MANSC1: variants seen among roughly 807,000 people sequenced by gnomAD.
The protein encoded by MANSC1 is MANSC domain-containing protein 1.
A neutral mutation model predicts 14.1 loss-of-function variants in MANSC1; 13 were observed. The ratio of observed to expected loss-of-function variants is 0.92; its 90% CI spans 0.60 to 1.46. The LOEUF (loss-of-function observed/expected upper bound fraction) is 1.46. Ranked by LOEUF, MANSC1 falls within the 40% of genes most tolerant of loss-of-function variation. The pLI is 0.00. For synonymous variants in MANSC1, 227 were observed against 200.7 expected, an observed-to-expected ratio of 1.13 and a Z score of -1.11; for missense variants, 486 against 511.4, an observed-to-expected ratio of 0.95 and a Z score of 0.48.
At chr12:12,347,130 C>T (rs1013253246) in intron 1 of MANSC1, among the ~76,000 whole-genome samples, 5 of 152,112 alleles carry the variant, frequency 3.3e-5, no homozygotes, top group African/African-American at 7.2e-5. Flanking sequence ...ATTTATTGTG[C>T]ACTTTATTTC....
rs1862766520 is a variant in MANSC1, at chr12:12,330,329, T to C, written c.994A>G (p.Thr332Ala). Residue 332 changes from threonine to alanine, a missense_variant, in exon 4 of 4, where the codon ACA becomes GCA. Coordinates refer to ENST00000535902, the MANE Select transcript of MANSC1 (RefSeq NM_018050.4). Reference protein sequence around the residue: ...FTEISNLTLNTGNVYNPTALS... With the variant: ...FTEISNLTLNAGNVYNPTALS... Reference sequence around the variant, plus strand: ...GCAGTAGGGTTATACACATTCCCTGTGTTCAAAGTTAGGTTGGAGATTTCT... The same window carrying C: ...GCAGTAGGGTTATACACATTCCCTGCGTTCAAAGTTAGGTTGGAGATTTCT... 4 of 1,614,230 alleles carry C rather than the reference T, an allele frequency of 2.5e-6. 1 individual carries two copies. The highest frequency in any genetic ancestry group is 1.3e-5 in the African/African-American group (1 of 75,060).
At chr12:12,331,199 G>T (rs1290911862) in intron 3 of MANSC1, among the ~76,000 whole-genome samples, 1 of 152,116 alleles carries the variant, frequency 6.6e-6, no homozygotes, top group Non-Finnish European at 1.5e-5. Context: ...TCTCCAAACT[G>T]TTGATACTTG....
chr12:12,335,925 G>C (rs1411790223), intron 3 of MANSC1, among the ~76,000 whole-genome samples: 1 of 152,016 alleles, frequency 6.6e-6, no homozygotes. Flanking sequence ...GCTCATGCCT[G>C]TAATCCCAGC....
At chr12:12,346,920 G>A (rs1294784692) in intron 1 of MANSC1, among the ~76,000 whole-genome samples, 1 of 150,076 alleles carries the variant, frequency 6.7e-6, no homozygotes, top group Non-Finnish European at 1.5e-5. Context: ...TACCGTTAAA[G>A]AGAATGAAAA....
intron 3 of MANSC1, among the ~76,000 whole-genome samples, chr12:12,335,365 G>A (rs1175077602): frequency 6.7e-6 from 1 of 150,026 alleles, no homozygotes; most frequent in Non-Finnish European, 1.5e-5. Flanking sequence ...CCCCGAGACA[G>A]AGTCTTGCTC....
intron 2 of MANSC1, 41 bp from the exon 3 acceptor site, chr12:12,338,601 T>C: frequency 1.2e-6 from 2 of 1,602,758 alleles, no homozygotes; most frequent in Non-Finnish European, 1.7e-6. Context: ...TGAAATGCGA[T>C]TTTCTAAAGA....
intron 2 of MANSC1, among the ~76,000 whole-genome samples, chr12:12,342,240 G>A (rs1176587997): frequency 6.6e-6 from 1 of 152,182 alleles, no homozygotes; most frequent in African/African-American, 2.4e-5. Flanking sequence ...ACCACACCCG[G>A]CCATTCACTA....
At chr12:12,345,856 T>C (rs1042532174) in intron 1 of MANSC1, among the ~76,000 whole-genome samples, 1 of 152,202 alleles carries the variant, frequency 6.6e-6, no homozygotes, top group Non-Finnish European at 1.5e-5. Context: ...TATAGTGAAA[T>C]ATAATTACCA....
At chr12:12,334,751 A>G (rs182615070) in intron 3 of MANSC1, among the ~76,000 whole-genome samples, 60 of 152,372 alleles carry the variant, frequency 3.9e-4, no homozygotes, top group African/African-American at 1.3e-3. Flanking sequence ...ACACTCCAGA[A>G]GTATTAGAAA....
At chr12:12,343,869 TG>T (rs1862970284) in intron 1 of MANSC1, among the ~76,000 whole-genome samples, 1 of 152,150 alleles carries the variant, frequency 6.6e-6, no homozygotes, top group Non-Finnish European at 1.5e-5. Context: ...CTCAGCACTT[TG>T]GAAGGCTGAG....
chr12:12,339,970 G>A (rs1458014168), intron 2 of MANSC1, among the ~76,000 whole-genome samples: 1 of 151,988 alleles, frequency 6.6e-6, no homozygotes, highest in African/African-American at 2.4e-5. Flanking sequence ...GCACCACCAT[G>A]CCTGGCTAAT....
At chr12:12,348,155 T>C (rs978248330) in intron 1 of MANSC1, 4 of 152,198 alleles carry the variant, frequency 2.6e-5, no homozygotes, top group African/African-American at 9.7e-5. Flanking sequence ...TGGCAGTTTC[T>C]TACCAAGCTA....
chr12:12,340,563 T>C (rs1643631064), intron 2 of MANSC1, among the ~76,000 whole-genome samples: 1 of 152,240 alleles, frequency 6.6e-6, no homozygotes, highest in African/African-American at 2.4e-5. Flanking sequence ...TGCATTTTTC[T>C]AGAGTATCAT....
chr12:12,346,161 T>C (rs1015060005), intron 1 of MANSC1, among the ~76,000 whole-genome samples: 1 of 149,182 alleles, frequency 6.7e-6, no homozygotes. Context: ...TAGTCCCAGC[T>C]ACTCGGGAGG....
At position 12,327,232 on chromosome 12, in the gene MANSC1, C is replaced by T. The variant is rs1862719865; in HGVS notation, c.*2795G>A. 1 of 152,310 alleles carries T rather than the reference C, an allele frequency of 6.6e-6. No homozygotes were observed. The highest frequency in any genetic ancestry group is 1.5e-5 in the Non-Finnish European group (1 of 68,140). 9.4% of individuals were successfully genotyped at this position (152,310 alleles called of 1,614,324 possible). On this transcript the variant is annotated 3_prime_UTR_variant, in exon 4 of 4. Coordinates refer to ENST00000535902, the MANE Select transcript of MANSC1 (RefSeq NM_018050.4). ...GGCTGCTACCTTCTCTTTCTACAAACCAAAGGAGGGGGCTCATAACTCAAT... is the reference window on the plus strand; with the variant it reads ...GGCTGCTACCTTCTCTTTCTACAAATCAAAGGAGGGGGCTCATAACTCAAT...
chr12:12,331,790 G>A (rs1260413226), intron 3 of MANSC1, among the ~76,000 whole-genome samples: 1 of 152,078 alleles, frequency 6.6e-6, no homozygotes, highest in Non-Finnish European at 1.5e-5. Context: ...CAGCAACAAC[G>A]ACAACAAAAA....
At chr12:12,333,874 A>G (rs1862823786) in intron 3 of MANSC1, among the ~76,000 whole-genome samples, 1 of 152,330 alleles carries the variant, frequency 6.6e-6, no homozygotes, top group Admixed American at 6.5e-5. Flanking sequence ...ATTAAATACC[A>G]AACTGCAATG....
chr12:12,333,233 G>A (rs1398077478), intron 3 of MANSC1, among the ~76,000 whole-genome samples: 1 of 151,996 alleles, frequency 6.6e-6, no homozygotes, highest in Non-Finnish European at 1.5e-5. Flanking sequence ...TTTTTGTAGA[G>A]ACAGAATTTT....
Position 12,326,190 on chromosome 12 carries a change from T to C in MANSC1, c.*3837A>G, listed in dbSNP as rs901175082. 1.3e-5 allele frequency: 2 copies of C among 152,172 alleles called. No homozygotes were observed. Among genetic ancestry groups the C allele is most frequent in the Non-Finnish European group, 2.9e-5 (2 of 68,046 alleles). The allele number at this position is 152,172 out of a possible 1,614,324, so 9.4% of individuals were successfully genotyped here. On this transcript the variant is annotated 3_prime_UTR_variant, in exon 4 of 4. Coordinates refer to ENST00000535902, the MANE Select transcript of MANSC1 (RefSeq NM_018050.4). ...CCTGTACCCACTGCCACGCTCAGTG[T>C]GGCAGTGCCTTCTCCCCTCATCATG...
Sources: allele counts gnomAD v4.1 joint callset (sites outside exome capture counted in the v4.1 genomes callset), GRCh38; gene constraint gnomAD v4.1.1; transcripts MANE v1.5; gene names NCBI Gene and HGNC (gene_info 2026-07-23, HGNC 2026-07-21).